TMEM135: variants seen among roughly 807,000 people sequenced by gnomAD.
The protein encoded by TMEM135 is peroxisomal membrane protein 52.
Under a neutral mutation model 60.3 loss-of-function variants are expected in TMEM135, and 30 were observed. The ratio of observed to expected loss-of-function variants is 0.50; its 90% CI spans 0.37 to 0.68. The LOEUF (loss-of-function observed/expected upper bound fraction) is 0.68. TMEM135 is among the 30% of genes least tolerant of loss of function. TMEM135 has a pLI of 0.00. For missense variants in TMEM135, 468 were observed against 548.8 expected, an observed-to-expected ratio of 0.85 and a Z score of 1.47; for synonymous variants, 190 against 186.7, an observed-to-expected ratio of 1.02 and a Z score of -0.14.
intron 6 of TMEM135, among the ~76,000 whole-genome samples, chr11:87,285,589 G>A (rs1942149400): frequency 6.6e-6 from 1 of 152,152 alleles, no homozygotes; most frequent in Non-Finnish European, 1.5e-5. Context: ...TGGGTTCATG[G>A]TCTCGCTGGC....
chr11:87,149,613 C>T (rs922854509), intron 4 of TMEM135, among the ~76,000 whole-genome samples: 1 of 152,138 alleles, frequency 6.6e-6, no homozygotes, highest in Admixed American at 6.6e-5. Flanking sequence ...TTTCTTCCAC[C>T]TTACTGAGCA....
At chr11:87,094,649 T>G (rs191871700) in intron 4 of TMEM135, 2 of 160,038 alleles carry the variant, frequency 1.2e-5, no homozygotes, top group Non-Finnish European at 1.4e-5. Context: ...AAGACCAACC[T>G]GGGTAACATA....
chr11:87,079,634 T>A (rs1856944328), intron 3 of TMEM135, among the ~76,000 whole-genome samples: 1 of 151,592 alleles, frequency 6.6e-6, no homozygotes, highest in South Asian at 2.1e-4. Context: ...GTATCTGCTC[T>A]TAGCGGGAGG....
intron 6 of TMEM135, among the ~76,000 whole-genome samples, chr11:87,293,468 G>T (rs1942301354): frequency 6.6e-6 from 1 of 151,970 alleles, no homozygotes; most frequent in African/African-American, 2.4e-5. Context: ...TGCCATGGTG[G>T]TTTGCTGCAC....
intron 4 of TMEM135, among the ~76,000 whole-genome samples, chr11:87,100,393 G>A (rs2445543): frequency 0.68 from 104,097 of 151,988 alleles, 37,189 homozygotes; most frequent in East Asian, 0.88. Flanking sequence ...TTCAGAACAG[G>A]TAGGGATTTA....
Position 87,162,225 on chromosome 11 carries a change from AT to A in TMEM135, c.462+4828del, listed in dbSNP as rs201480061. On this transcript the variant is annotated intron_variant, in intron 5 of 14. Transcript: ENST00000305494. ...TTTTTTTTGGAGAGTTTATTAAATA[AT>A]TTTTTTTTATTATACTTTAAGTTCT... Among the ~76,000 whole-genome samples, 970 of 151,516 alleles carry A rather than the reference AT, an allele frequency of 6.4e-3. 16 individuals are homozygous for A. The highest frequency in any genetic ancestry group is 0.022 in the African/African-American group (926 of 41,308).
intron 10 of TMEM135, among the ~76,000 whole-genome samples, chr11:87,310,992 CAA>C (rs148341549): frequency 6.6e-6 from 1 of 151,190 alleles, no homozygotes; most frequent in African/African-American, 2.4e-5. Flanking sequence ...CCTCTGTCTA[CAA>C]AAAAATTATA....
chr11:87,165,849 C>G (rs1012403633), intron 5 of TMEM135, among the ~76,000 whole-genome samples: 2 of 126,894 alleles, frequency 1.6e-5, no homozygotes, highest in Admixed American at 8.6e-5. Context: ...GCTAGTAAGA[C>G]TAATAAAGAA....
intron 8 of TMEM135, among the ~76,000 whole-genome samples, chr11:87,305,141 C>T (rs1015190360): frequency 6.6e-6 from 1 of 152,112 alleles, no homozygotes. Flanking sequence ...TGTTTTCTCT[C>T]AAATCTAATT....
rs894203767 is a variant in TMEM135 at position 87,326,133 on chromosome 11, C to T, written c.*4800C>T. The T allele has an allele frequency of 4.4e-6, 2 of 453,692 alleles. No homozygotes were observed. The highest frequency in any genetic ancestry group is 8.8e-6 in the Non-Finnish European group (2 of 226,736). The allele number at this position is 453,692 out of a possible 1,614,324, so 28.1% of individuals were successfully genotyped here. A position where few individuals can be genotyped will look rare whatever the true frequency, so the allele number is the denominator to read the frequency against. On this transcript the variant is annotated 3_prime_UTR_variant, in exon 15 of 15. Coordinates refer to ENST00000305494, the MANE Select transcript of TMEM135 (RefSeq NM_022918.4). Reference sequence around the variant, plus strand: ...CAGTTTTGTGCCATACTCTCCCCCACCCCCAGCCTGCTGCCTCTGCAGAGC... The same window carrying T: ...CAGTTTTGTGCCATACTCTCCCCCATCCCCAGCCTGCTGCCTCTGCAGAGC...
chr11:87,291,699 C>T lies in TMEM135; in HGVS notation c.510-4083C>T, dbSNP rs376856894. The stretch of plus-strand genomic sequence containing the variant: ...CTGGGATTACAGGCATCTGTCACCA[C>T]GCCCGGCTAATTTTTGTGTTTTCTG... On this transcript the variant is annotated intron_variant, in intron 6 of 14. Transcript: ENST00000305494. Among the ~76,000 whole-genome samples the T allele has an allele frequency of 3.7e-3, 569 of 151,768 alleles. 4 individuals are homozygous for T. Among genetic ancestry groups the T allele is most frequent in the African/African-American group, 0.012 (503 of 41,404 alleles).
Position 87,082,000 on chromosome 11 carries a change from A to C in TMEM135, c.363-9362A>C, listed in dbSNP as rs1475184992. Among the ~76,000 whole-genome samples, 8 of 152,218 alleles carry C rather than the reference A, an allele frequency of 5.3e-5. No individual in the cohort carries two copies. The East Asian group carries it at 1.5e-3, about 29-fold the overall frequency. On this transcript the variant is annotated intron_variant, in intron 3 of 14. Transcript: ENST00000305494. The stretch of plus-strand genomic sequence containing the variant: ...CTTTTGTTTATTAGGTGATGCAGTT[A>C]ACAATACTGGGAGATAGCTCTGTAG...
At chr11:87,172,698 C>T (rs562910050) in intron 5 of TMEM135, among the ~76,000 whole-genome samples, 10 of 151,962 alleles carry the variant, frequency 6.6e-5, no homozygotes, top group African/African-American at 2.2e-4. Context: ...ACTCAAGTGG[C>T]AAATACTACT....
chr11:87,148,753 G>A (rs1938479849), intron 4 of TMEM135, among the ~76,000 whole-genome samples: 1 of 152,032 alleles, frequency 6.6e-6, no homozygotes, highest in Non-Finnish European at 1.5e-5. Context: ...ATAAATACAA[G>A]AACATAATGG....
At chr11:87,226,634 CAGGAT>C (rs1408907555) in intron 5 of TMEM135, among the ~76,000 whole-genome samples, 2 of 152,132 alleles carry the variant, frequency 1.3e-5, no homozygotes, top group Non-Finnish European at 2.9e-5. Flanking sequence ...TATAAAAGGA[CAGGAT>C]AGCATATAGG....
intron 3 of TMEM135, among the ~76,000 whole-genome samples, chr11:87,077,689 CACAA>C (rs1314268754): frequency 6.6e-6 from 1 of 152,180 alleles, no homozygotes; most frequent in African/African-American, 2.4e-5. Flanking sequence ...TAACTACCAT[CACAA>C]ACAATTTTAG....
At chr11:87,252,634 TG>T (rs1271462608) in intron 6 of TMEM135, among the ~76,000 whole-genome samples, 1 of 151,624 alleles carries the variant, frequency 6.6e-6, no homozygotes, top group East Asian at 2.0e-4. Flanking sequence ...TAGCCAGGCA[TG>T]GGGCACATGC....
intron 6 of TMEM135, chr11:87,258,815 C>G: frequency 1.6e-6 from 1 of 622,196 alleles, no homozygotes; most frequent in Non-Finnish European, 2.9e-6. Context: ...TCTGACTTCT[C>G]CCACGGAGAC....
intron 4 of TMEM135, among the ~76,000 whole-genome samples, chr11:87,153,435 C>T (rs1938609757): frequency 6.6e-6 from 1 of 152,044 alleles, no homozygotes; most frequent in Admixed American, 6.6e-5. Flanking sequence ...TAGTAGGTAT[C>T]GAGTTATTGT....
Sources: allele counts gnomAD v4.1 joint callset (sites outside exome capture counted in the v4.1 genomes callset), GRCh38; gene constraint gnomAD v4.1.1; transcripts MANE v1.5; gene names NCBI Gene and HGNC (gene_info 2026-07-23, HGNC 2026-07-21).